SYNPR: variants seen among roughly 807,000 people sequenced by gnomAD.
The protein encoded by SYNPR is synaptoporin.
Under a neutral mutation model 32.9 loss-of-function variants are expected in SYNPR, and 23 were observed. That is an observed-to-expected ratio of 0.70 (90% confidence interval 0.50 to 0.99). The LOEUF (loss-of-function observed/expected upper bound fraction) is 0.99. SYNPR is among the 50% of genes least tolerant of loss of function. SYNPR has a pLI of 0.00. For synonymous variants in SYNPR, 146 were observed against 135.9 expected, an observed-to-expected ratio of 1.07 and a Z score of -0.52; for missense variants, 318 against 349.3, an observed-to-expected ratio of 0.91 and a Z score of 0.71.
chr3:63,512,357 T>C (rs570144185), intron 3 of SYNPR, among the ~76,000 whole-genome samples: 1 of 152,234 alleles, frequency 6.6e-6, no homozygotes, highest in African/African-American at 2.4e-5. Flanking sequence ...TAATATCCTC[T>C]TGACAACAAC....
chr3:63,544,248 G>T (rs570084845), intron 3 of SYNPR, among the ~76,000 whole-genome samples: 1 of 152,146 alleles, frequency 6.6e-6, no homozygotes, highest in Admixed American at 6.6e-5. Flanking sequence ...ATGTGCTGAC[G>T]ATAAAGGGTA....
chr3:63,412,122 T>C (rs2088474567), intron 2 of SYNPR, among the ~76,000 whole-genome samples: 1 of 151,986 alleles, frequency 6.6e-6, no homozygotes, highest in African/African-American at 2.4e-5. Flanking sequence ...AGATATAGAA[T>C]GGGTGGTGAC....
chr3:63,595,870 T>A, intron 4 of SYNPR, among the ~76,000 whole-genome samples: 1 of 95,642 alleles, frequency 1.0e-5, no homozygotes, highest in East Asian at 2.8e-4. Context: ...GTTATATATA[T>A]ATAATTTTAT....
At chr3:63,595,786 G>GTT (rs1491171066) in intron 4 of SYNPR, among the ~76,000 whole-genome samples, 4,077 of 20,308 alleles carry the variant, frequency 0.2, 729 homozygotes, top group African/African-American at 0.35. Flanking sequence ...TATATATATA[G>GTT]TTATATATAT....
chr3:63,325,496 C>G lies in SYNPR; in HGVS notation c.84+46754C>G, dbSNP rs150458207. On this transcript the variant is annotated intron_variant, in intron 2 of 5. Coordinates refer to ENST00000478300, the MANE Select transcript of SYNPR (RefSeq NM_001130003.2). ...TCTCCAATTTATTCCCCCTTTCTAC[C>G]CAGGAAAGATCCTAAGCCCAGGATC... Among the ~76,000 whole-genome samples the G allele has an allele frequency of 1.4e-3, 212 of 152,184 alleles. 1 individual carries two copies. Among genetic ancestry groups the G allele is most frequent in the African/African-American group, 5.0e-3 (207 of 41,534 alleles).
intron 2 of SYNPR, among the ~76,000 whole-genome samples, chr3:63,433,159 T>C: frequency 6.6e-6 from 1 of 152,320 alleles, no homozygotes. Flanking sequence ...TGACTTTCCT[T>C]TTCTAACTAA....
chr3:63,367,370 T>A (rs988580863), intron 2 of SYNPR, among the ~76,000 whole-genome samples: 5 of 151,316 alleles, frequency 3.3e-5, no homozygotes, highest in South Asian at 2.1e-4. Context: ...TATTTATTTA[T>A]TTAATTTTAG....
At chr3:63,361,421 C>T (rs952535263) in intron 2 of SYNPR, among the ~76,000 whole-genome samples, 25 of 151,942 alleles carry the variant, frequency 1.6e-4, no homozygotes, top group African/African-American at 6.0e-4. Flanking sequence ...GGTGAAACCC[C>T]ATCTCTACTA....
intron 2 of SYNPR, among the ~76,000 whole-genome samples, chr3:63,254,751 T>G (rs1211020850): frequency 1.3e-5 from 2 of 152,214 alleles, no homozygotes; most frequent in African/African-American, 2.4e-5. Flanking sequence ...TAATCCCTAG[T>G]ACCTTGGAAT....
chr3:63,440,484 A>G (rs1700150730), intron 2 of SYNPR, among the ~76,000 whole-genome samples: 1 of 152,146 alleles, frequency 6.6e-6, no homozygotes, highest in Non-Finnish European at 1.5e-5. Flanking sequence ...TTCTAGGGGT[A>G]AGAGTGAAAG....
intron 2 of SYNPR, among the ~76,000 whole-genome samples, chr3:63,477,859 C>T (rs1388456932): frequency 1.3e-5 from 2 of 152,230 alleles, no homozygotes; most frequent in African/African-American, 2.4e-5. Flanking sequence ...TACACCTTTT[C>T]CAGACAATAG....
chr3:63,377,957 T>C (rs1336107030), intron 2 of SYNPR, among the ~76,000 whole-genome samples: 3 of 151,958 alleles, frequency 2.0e-5, no homozygotes, highest in Admixed American at 6.6e-5. Context: ...AGAATAAAAA[T>C]TCAGATTATG....
chr3:63,329,648 T>C (rs2087204571), intron 2 of SYNPR, among the ~76,000 whole-genome samples: 1 of 152,168 alleles, frequency 6.6e-6, no homozygotes, highest in African/African-American at 2.4e-5. Flanking sequence ...CCTGAGGCAA[T>C]TGAAAGAGTC....
chr3:63,576,177 C>G, intron 4 of SYNPR, among the ~76,000 whole-genome samples: 1 of 152,168 alleles, frequency 6.6e-6, no homozygotes, highest in East Asian at 1.9e-4. Context: ...CGTCCATCAT[C>G]CCTGTATAGC....
chr3:63,591,811 TG>T (rs1392830240), intron 4 of SYNPR, among the ~76,000 whole-genome samples: 2 of 42,652 alleles, frequency 4.7e-5, no homozygotes, highest in African/African-American at 9.6e-5. Flanking sequence ...TGTGGTGGGG[TG>T]GGGGGAGGGG....
chr3:63,276,886 A>G (rs11715353), upstream of SYNPR, among the ~76,000 whole-genome samples: 18,382 of 130,538 alleles, frequency 0.14, 1,232 homozygotes, highest in Non-Finnish European at 0.18. Flanking sequence ...ATCTACTTCT[A>G]CATATCAAAT....
At chr3:63,582,319 C>T (rs111846970) in intron 4 of SYNPR, among the ~76,000 whole-genome samples, 11 of 152,144 alleles carry the variant, frequency 7.2e-5, no homozygotes, top group African/African-American at 2.2e-4. Flanking sequence ...GAAGAACCTT[C>T]GCTTTTTTTA....
intron 2 of SYNPR, among the ~76,000 whole-genome samples, chr3:63,437,671 G>T (rs1700109127): frequency 6.6e-6 from 1 of 151,904 alleles, no homozygotes; most frequent in African/African-American, 2.4e-5. Context: ...GAGAAAGAAA[G>T]AAAAAGAAGG....
intron 4 of SYNPR, among the ~76,000 whole-genome samples, chr3:63,571,084 A>C (rs1156239439): frequency 6.6e-6 from 1 of 152,158 alleles, no homozygotes; most frequent in Non-Finnish European, 1.5e-5. Context: ...CACAATAAGC[A>C]TCAATGTTAT....
Sources: gnomAD v4.1 joint callset for allele counts (sites outside exome capture counted in the v4.1 genomes callset) on GRCh38, gnomAD v4.1.1 for gene constraint, MANE v1.5 for transcripts, NCBI Gene and HGNC (gene_info 2026-07-23, HGNC 2026-07-21) for gene names.